Variants in TOGARAM2 observed in about 807,000 individuals in gnomAD.
The protein encoded by TOGARAM2 is TOG array regulator of axonemal microtubules protein 2.
A neutral mutation model predicts 93.3 loss-of-function variants in TOGARAM2; 85 were observed. The observed-to-expected ratio is 0.91, with a 90% CI of 0.76 to 1.09. TOGARAM2 has a LOEUF of 1.09. TOGARAM2 is among the 50% of genes least tolerant of loss of function. The pLI is 0.00. For synonymous variants in TOGARAM2, 593 were observed against 552.8 expected (o/e 1.07, Z -1.02); for missense variants, 1,277 against 1,334.5 (o/e 0.96, Z 0.67).
chr2:29,005,480 TGTG>T (rs1306552936), intron 6 of TOGARAM2, among the ~76,000 whole-genome samples: 1 of 7,764 alleles, frequency 1.3e-4, no homozygotes, highest in Non-Finnish European at 5.0e-4. Flanking sequence ...TGTGTGTGCA[TGTG>T]TGCATGTGTG....
upstream of TOGARAM2, among the ~76,000 whole-genome samples, chr2:28,977,862 G>A (rs1208119141): frequency 6.6e-6 from 1 of 152,098 alleles, no homozygotes; most frequent in Non-Finnish European, 1.5e-5. Context: ...TTGGGAGCAC[G>A]TGGGTGGGAA....
upstream of TOGARAM2, among the ~76,000 whole-genome samples, chr2:28,978,712 T>C (rs999848346): frequency 1.3e-5 from 2 of 152,188 alleles, no homozygotes; most frequent in Admixed American, 1.3e-4. Flanking sequence ...TGATTCTGTA[T>C]TGTGAGTCAG....
At chr2:29,029,662 A>G (rs1572751636) in intron 14 of TOGARAM2, among the ~76,000 whole-genome samples, 2 of 148,486 alleles carry the variant, frequency 1.3e-5, no homozygotes, top group African/African-American at 4.9e-5. Context: ...AGGCTGAGGC[A>G]GGAGAATGGC....
At chr2:28,985,560 A>G (rs1383322825) in intron 1 of TOGARAM2, among the ~76,000 whole-genome samples, 1 of 152,148 alleles carries the variant, frequency 6.6e-6, no homozygotes, top group African/African-American at 2.4e-5. Context: ...CCAAGTTCTG[A>G]TTAATCTCTA....
At chr2:29,003,319 G>C (rs1673415624) in intron 5 of TOGARAM2, among the ~76,000 whole-genome samples, 173 bp from the exon 6 acceptor site, 1 of 152,228 alleles carries the variant, frequency 6.6e-6, no homozygotes, top group Non-Finnish European at 1.5e-5. Context: ...TCACAAAAGG[G>C]CTTGCCAGTC....
chr2:28,965,504 G>T (rs529634346), intron 1 of TOGARAM2, among the ~76,000 whole-genome samples: 1 of 152,164 alleles, frequency 6.6e-6, no homozygotes, highest in South Asian at 2.1e-4. Context: ...GTTCCCTAGT[G>T]AGGGCCCCAA....
At chr2:28,969,853 C>A (rs1336956883) in intron 1 of TOGARAM2, among the ~76,000 whole-genome samples, 2 of 119,200 alleles carry the variant, frequency 1.7e-5, no homozygotes, top group Non-Finnish European at 3.3e-5. Context: ...GCTCTTATTG[C>A]CCAGGCTGGG....
Position 28,983,137 on chromosome 2 carries a change from A to T in TOGARAM2, c.-111+1599A>T, listed in dbSNP as rs189880683. On this transcript the variant is annotated intron_variant, in intron 1 of 19. Transcript: ENST00000379558. ...CAAGTAGCTGGGTGTACAGGTGCAC[A>T]CCACCATGCCCGGCTAATCTTTGTG... is the stretch of plus-strand genomic sequence containing the variant. Among the ~76,000 whole-genome samples, 50 of 148,356 alleles carry T rather than the reference A, an allele frequency of 3.4e-4. 1 individual carries two copies. Among genetic ancestry groups the T allele is most frequent in the African/African-American group, 1.3e-3 (50 of 39,902 alleles).
intron 1 of TOGARAM2, among the ~76,000 whole-genome samples, chr2:28,973,849 G>A (rs895160526): frequency 4.6e-5 from 7 of 152,044 alleles, no homozygotes; most frequent in African/African-American, 9.7e-5. Flanking sequence ...CATTCTTTGC[G>A]GGTAGGTCTG....
intron 1 of TOGARAM2, among the ~76,000 whole-genome samples, chr2:28,988,865 A>G (rs576731401): frequency 1.3e-4 from 20 of 152,160 alleles, no homozygotes; most frequent in Middle Eastern, 6.8e-3. Flanking sequence ...GTCACATCCA[A>G]TTGGCTGAGC....
chr2:29,048,872 C>CAG (rs1666906795), intron 19 of TOGARAM2: 1 of 98,546 alleles, frequency 1.0e-5, no homozygotes, highest in Non-Finnish European at 1.9e-5. Context: ...TTTTTTTAGA[C>CAG]AGAGTCTTGC....
intron 7 of TOGARAM2, among the ~76,000 whole-genome samples, chr2:29,012,742 C>A (rs902685838): frequency 6.6e-6 from 1 of 152,214 alleles, no homozygotes; most frequent in Non-Finnish European, 1.5e-5. Context: ...GCTGACACTG[C>A]CCTCTGTGTG....
At position 29,017,882 on chromosome 2, in the gene TOGARAM2, A is replaced by C. The variant is rs1171406722; in HGVS notation, c.1286A>C (p.Lys429Thr). The C allele has an allele frequency of 6.2e-7, 1 of 1,612,986 alleles. No homozygotes were observed. The highest frequency in any genetic ancestry group is 1.3e-5 in the African/African-American group (1 of 74,916). ...AACGACGTCAGCATCATCCTGAGGA[A>C]GTGGGCCAGCCGGGCCTCCCTGCCC... is the stretch of plus-strand genomic sequence containing the variant. ...CRNDVSIILR[K>T]WASRASLPSI... Residue 429 changes from lysine (K) to threonine (T), a missense_variant, in exon 10 of 20, where the codon AAG (lysine) becomes ACG (threonine). Physicochemically the swap from Lys to Thr is moderately conservative, Grantham distance 78 (BLOSUM62 -1). Coordinates refer to ENST00000379558, the MANE Select transcript of TOGARAM2 (RefSeq NM_199280.4).
At position 29,024,348 on chromosome 2, in the gene TOGARAM2, G is replaced by A. The variant is rs1665187810; in HGVS notation, c.1827G>A (p.Leu609=). The change falls in exon 13 of 20, where the codon CTG becomes CTA. Residue 609 remains leucine, a synonymous_variant. Coordinates refer to ENST00000379558, the MANE Select transcript of TOGARAM2 (RefSeq NM_199280.4). The part of the protein sequence containing the change: ...MVENVTLARS[L]VVLTSAGVYH... ...AGAATGTGACCCTTGCCCGCTCCCT[G>A]GTGGTCCTCACCTCGGCGGGTGTCT... 1.9e-6 allele frequency: 3 copies of A among 1,610,572 alleles called. No individual in the cohort carries two copies. In the Admixed American group the frequency reaches 5.0e-5, roughly 27 times the overall value.
rs780872758 is a variant in TOGARAM2 at position 29,003,507 on chromosome 2, C to T, written c.655C>T (p.Gln219Ter). The T allele has an allele frequency of 2.6e-6, 4 of 1,548,500 alleles. No homozygotes were observed. The highest frequency in any genetic ancestry group is 1.2e-5 in the South Asian group (1 of 82,252). The change falls in exon 6 of 20, where the codon CAA becomes TAA. Residue 219 changes from glutamine (Q) to a stop codon, truncating the protein, a stop_gained. Coordinates refer to ENST00000379558, the MANE Select transcript of TOGARAM2 (RefSeq NM_199280.4). LOFTEE classifies it high-confidence loss of function. ...CTGCTCCCAGGCGCAGATCTCCTGG[C>T]AATACCTGCACTGCAATGATGAGAA... The part of the protein sequence containing the change: ...PGAQEAQISW[Q>*]YLHCNDEKMQ...
In TOGARAM2 at chr2:29,036,554, T is replaced by A; in HGVS notation, c.2432T>A (p.Phe811Tyr). The A allele has an allele frequency of 6.2e-7, 1 of 1,613,964 alleles. No individual in the cohort carries two copies. The highest frequency in any genetic ancestry group is 1.1e-5 in the South Asian group (1 of 91,076). Reference sequence around the variant, plus strand: ...TTTCTTCAATAGGTCTTTGATGCTTTCACCCCAAGGCTTCAGGATTCCAAC... The same window carrying A: ...TTTCTTCAATAGGTCTTTGATGCTTACACCCCAAGGCTTCAGGATTCCAAC... ...TAHLVQVFDA[F>Y]TPRLQDSNKK... The change falls in exon 18 of 20, where the codon TTC (phenylalanine) becomes TAC (tyrosine). Residue 811 changes from phenylalanine (F) to tyrosine (Y), a missense_variant. Phe to Tyr is a conservative substitution (Grantham distance 22). Coordinates refer to ENST00000379558, the MANE Select transcript of TOGARAM2 (RefSeq NM_199280.4).
chr2:29,005,826 GTGCATGTGTATGTGTC>G (rs1490153026), intron 6 of TOGARAM2, among the ~76,000 whole-genome samples: 1 of 132,472 alleles, frequency 7.5e-6, no homozygotes, highest in African/African-American at 3.7e-5. Flanking sequence ...GTGCATGTGT[GTGCATGTGTATGTGTC>G]AGTGCATGTG....
At position 29,036,606 on chromosome 2, in the gene TOGARAM2, G is replaced by T; in HGVS notation, c.2484G>T (p.Glu828Asp). 6.2e-7 allele frequency: 1 copy of T among 1,613,954 alleles called. No homozygotes were observed. The highest frequency in any genetic ancestry group is 8.5e-7 in the Non-Finnish European group (1 of 1,179,874). ...AGAAAGTGAACCAGTGGGCGCTGGA[G>T]TCCTTCGCCAAGATGATCCCCCTCC... ...SNKKVNQWAL[E>D]SFAKMIPLLR... The change falls in exon 18 of 20, where the codon GAG becomes GAT. Residue 828 changes from glutamate (E) to aspartate (D), a missense_variant. Glu to Asp is a conservative substitution (Grantham distance 45). Coordinates refer to ENST00000379558, the MANE Select transcript of TOGARAM2 (RefSeq NM_199280.4).
At chr2:28,988,015 AG>A (rs1442394034) in intron 1 of TOGARAM2, among the ~76,000 whole-genome samples, 15 of 152,240 alleles carry the variant, frequency 9.9e-5, no homozygotes, top group South Asian at 2.1e-4. Flanking sequence ...GGCCGAGTTG[AG>A]GGTCAGTGTG....
Sources: gnomAD v4.1 joint callset for allele counts (sites outside exome capture counted in the v4.1 genomes callset) on GRCh38, gnomAD v4.1.1 for gene constraint, MANE v1.5 for transcripts, NCBI Gene and HGNC (gene_info 2026-07-23, HGNC 2026-07-21) for gene names.